Variants in SPATA17 observed in about 807,000 individuals in gnomAD.
SPATA17 encodes the protein spermatogenesis-associated protein 17.
In SPATA17, 53 loss-of-function variants were observed where a neutral mutation model predicts 62.2. The ratio of observed to expected loss-of-function variants is 0.85; its 90% confidence interval spans 0.68 to 1.07. The LOEUF (loss-of-function observed/expected upper bound fraction) is 1.07, where lower values mean the gene tolerates loss of function less well. Among genes scored for constraint, SPATA17 ranks in the 50% least tolerant of loss-of-function variants. The probability of loss-of-function intolerance (pLI) is 0.00; values close to 1 mark genes in which losing one functional copy is unlikely to be tolerated. For missense variants in SPATA17, 466 were observed against 425.5 expected, an observed-to-expected ratio of 1.10 and a Z score of -0.84; for synonymous variants, 146 against 146.8, an observed-to-expected ratio of 0.99 and a Z score of 0.04.
chr1:217,731,393 A>G (rs1224602157), intron 5 of SPATA17, among the ~76,000 whole-genome samples: 1 of 152,016 alleles, frequency 6.6e-6, no homozygotes, highest in Non-Finnish European at 1.5e-5. Flanking sequence ...ATGTTTAGAT[A>G]AAATTATTTC....
At chr1:217,799,111 C>A (rs999354640) in intron 8 of SPATA17, among the ~76,000 whole-genome samples, 4 of 151,492 alleles carry the variant, frequency 2.6e-5, no homozygotes, top group African/African-American at 9.7e-5. Context: ...ATAATTTTTT[C>A]CTAATTTGAA....
At chr1:217,856,171 T>G (rs1675781954) in intron 9 of SPATA17, among the ~76,000 whole-genome samples, 1 of 152,228 alleles carries the variant, frequency 6.6e-6, no homozygotes, top group Admixed American at 6.5e-5. Context: ...ATAAATGACC[T>G]TTGATTAGCA....
chr1:217,763,550 A>G (rs959517063), intron 6 of SPATA17, among the ~76,000 whole-genome samples: 1 of 152,218 alleles, frequency 6.6e-6, no homozygotes, highest in South Asian at 2.1e-4. Context: ...AGAATTTATG[A>G]GATCTTCTTA....
intron 3 of SPATA17, among the ~76,000 whole-genome samples, chr1:217,663,224 C>T (rs561701835): frequency 6.6e-6 from 1 of 152,172 alleles, no homozygotes; most frequent in Non-Finnish European, 1.5e-5. Context: ...GCAGGCAGAT[C>T]ACCTGAGGTC....
At chr1:217,758,956 G>A (rs1400943350) in intron 6 of SPATA17, among the ~76,000 whole-genome samples, 2 of 152,114 alleles carry the variant, frequency 1.3e-5, no homozygotes, top group African/African-American at 4.8e-5. Flanking sequence ...GTGAAGGTCA[G>A]TGGGCATGAA....
chr1:217,644,573 A>G (rs1289909834), intron 1 of SPATA17, among the ~76,000 whole-genome samples: 1 of 152,154 alleles, frequency 6.6e-6, no homozygotes, highest in Non-Finnish European at 1.5e-5. Context: ...GACTAAGCAC[A>G]GTCTGTTGAT....
chr1:217,838,408 G>T (rs372433850), intron 9 of SPATA17, among the ~76,000 whole-genome samples: 1 of 151,840 alleles, frequency 6.6e-6, no homozygotes, highest in African/African-American at 2.4e-5. Flanking sequence ...CTATGTCTGC[G>T]TTTTCTACAT....
chr1:217,652,249 C>T (rs955991568), intron 3 of SPATA17, among the ~76,000 whole-genome samples: 8 of 151,930 alleles, frequency 5.3e-5, no homozygotes, highest in Non-Finnish European at 7.4e-5. Flanking sequence ...TTTGTTTTTC[C>T]GAGATGGAGT....
intron 9 of SPATA17, among the ~76,000 whole-genome samples, chr1:217,845,849 T>C (rs1675512062): frequency 1.3e-5 from 2 of 152,074 alleles, no homozygotes; most frequent in South Asian, 4.1e-4. Flanking sequence ...GTTCTACCCA[T>C]AAACATGTAG....
At chr1:217,712,770 G>T (rs552931877) in intron 5 of SPATA17, among the ~76,000 whole-genome samples, 8 of 152,220 alleles carry the variant, frequency 5.3e-5, no homozygotes, top group African/African-American at 1.9e-4. Context: ...TCAGAAAGCA[G>T]AATCGACCTC....
chr1:217,723,294 GA>G (rs1170905700), intron 5 of SPATA17, among the ~76,000 whole-genome samples: 22 of 152,216 alleles, frequency 1.4e-4, no homozygotes, highest in East Asian at 5.8e-4. Context: ...TGCATACCAT[GA>G]ATACATGTGT....
intron 8 of SPATA17, among the ~76,000 whole-genome samples, chr1:217,796,027 G>A (rs1406241214): frequency 4.6e-5 from 7 of 150,898 alleles, no homozygotes; most frequent in African/African-American, 1.7e-4. Context: ...CAAACTCCTG[G>A]GCTCAAGTGA....
intron 5 of SPATA17, among the ~76,000 whole-genome samples, chr1:217,721,590 C>A (rs138709225): frequency 3.9e-5 from 6 of 152,242 alleles, no homozygotes; most frequent in Admixed American, 2.6e-4. Flanking sequence ...GGTTACCCTG[C>A]AGACTTTGAT....
intron 5 of SPATA17, among the ~76,000 whole-genome samples, chr1:217,733,301 T>C (rs1231878326): frequency 1.3e-5 from 2 of 152,222 alleles, no homozygotes; most frequent in Middle Eastern, 3.2e-3. Flanking sequence ...TTTCTGTCCT[T>C]TGCTGTTGAT....
chr1:217,729,403 C>A (rs1021604176), intron 5 of SPATA17, among the ~76,000 whole-genome samples: 5 of 152,068 alleles, frequency 3.3e-5, no homozygotes, highest in African/African-American at 1.2e-4. Context: ...TTTCAGTAAA[C>A]CTCATTTTAA....
intron 5 of SPATA17, among the ~76,000 whole-genome samples, chr1:217,732,747 T>C (rs1672428227): frequency 6.6e-6 from 1 of 152,106 alleles, no homozygotes; most frequent in Admixed American, 6.6e-5. Flanking sequence ...CTTAGTAGAA[T>C]GTTGTGAGGC....
At chr1:217,858,841 A>T (rs1435578472) in intron 9 of SPATA17, among the ~76,000 whole-genome samples, 1 of 151,978 alleles carries the variant, frequency 6.6e-6, no homozygotes, top group East Asian at 1.9e-4. Flanking sequence ...CAGCCTGGCC[A>T]ATATGGTGAA....
chr1:217,854,024 C>T (rs1675721716), intron 9 of SPATA17, among the ~76,000 whole-genome samples: 3 of 152,094 alleles, frequency 2.0e-5, no homozygotes, highest in South Asian at 4.2e-4. Flanking sequence ...AGGGGTGCCT[C>T]ATGGTCAGAA....
chr1:217,799,024 T>G (rs1183904803), intron 8 of SPATA17, among the ~76,000 whole-genome samples: 1 of 152,036 alleles, frequency 6.6e-6, no homozygotes, highest in East Asian at 1.9e-4. Flanking sequence ...TATGTAAAAT[T>G]TTACTATAAA....
Sources: gnomAD v4.1 joint callset for allele counts (sites outside exome capture counted in the v4.1 genomes callset) on GRCh38, gnomAD v4.1.1 for gene constraint, MANE v1.5 for transcripts, NCBI Gene and HGNC (gene_info 2026-07-23, HGNC 2026-07-21) for gene names.